The following SLC9A5 variants were observed in gnomAD, a reference collection of about 807,000 sequenced individuals.
The protein encoded by SLC9A5 is solute carrier family 9 member A5, also known as sodium/hydrogen exchanger 5.
In SLC9A5, 52 loss-of-function variants were observed where a neutral mutation model predicts 91.7. That is an observed-to-expected ratio of 0.57 (90% CI 0.45 to 0.71). SLC9A5 has a LOEUF of 0.71. Among genes scored for constraint, SLC9A5 ranks in the 30% least tolerant of loss-of-function variants. The pLI, the probability that SLC9A5 is intolerant of heterozygous loss-of-function variation, is 0.00. For synonymous variants in SLC9A5, 419 were observed against 474.5 expected, an observed-to-expected ratio of 0.88 and a Z score of 1.52; for missense variants, 871 against 1,158.9, an observed-to-expected ratio of 0.75 and a Z score of 3.61.
chr16:67,265,569 C>T (rs2035671155), intron 14 of SLC9A5, among the ~76,000 whole-genome samples: 1 of 152,200 alleles, frequency 6.6e-6, no homozygotes, highest in Non-Finnish European at 1.5e-5. Flanking sequence ...CATGTGCACG[C>T]CACCACACCT....
rs764688785 is a variant in SLC9A5 at position 67,255,021 on chromosome 16, C to T, written c.491C>T (p.Ala164Val). Residue 164 changes from alanine (A) to valine (V), a missense_variant and splice_region_variant, in exon 3 of 16, where the codon GCC becomes GTC. Coordinates refer to ENST00000299798, the MANE Select transcript of SLC9A5 (RefSeq NM_004594.3). This position sits in a 1 kb window ranked among gnomAD's most constrained non-coding sequence, Gnocchi z 4.9. Reference protein sequence around the residue: ...LWGLQQAGLVAPRVQAGLLDF... With the variant: ...LWGLQQAGLVVPRVQAGLLDF... ...CTGTCCTACACATGTCCCTTAATAGCCCCTAGGGTGCAGGCTGGCTTACTG... is the reference window on the plus strand; with the variant it reads ...CTGTCCTACACATGTCCCTTAATAGTCCCTAGGGTGCAGGCTGGCTTACTG... 3 of 1,613,280 alleles carry T rather than the reference C, an allele frequency of 1.9e-6. No individual in the cohort carries two copies. Among genetic ancestry groups the T allele is most frequent in the East Asian group, 4.5e-5 (2 of 44,868 alleles).
In SLC9A5 at chr16:67,266,219, G is replaced by T. The variant is rs75080122; in HGVS notation, c.2212G>T (p.Val738Phe). The stretch of plus-strand genomic sequence containing the variant: ...CAGTGAGGTTCTCCAAGAGGGCAAG[G>T]TCTCAGGTAATGGCTTCCTCCCTGC... ...ATSEVLQEGK[V>F]SGSLEVCPSP... The change falls in exon 15 of 16, where the codon GTC (valine) becomes TTC (phenylalanine). Residue 738 changes from valine (V) to phenylalanine (F), a missense_variant. Val to Phe is a conservative substitution (Grantham distance 50). Transcript: ENST00000299798. 9.9e-4 allele frequency: 1,578 copies of T among 1,599,662 alleles called. 21 individuals carry two copies. In the African/African-American group the frequency reaches 0.019, roughly 19 times the overall value.
Position 67,257,232 on chromosome 16 carries a change from A to T in SLC9A5, c.1336-113A>T. 7.3e-7 allele frequency: 1 copy of T among 1,372,460 alleles called. No homozygotes were observed. The highest frequency in any genetic ancestry group is 1.0e-6 in the Non-Finnish European group (1 of 976,402). 85.0% of individuals were successfully genotyped at this position (1,372,460 alleles called of 1,614,324 possible). A position where few individuals can be genotyped will look rare whatever the true frequency, so the allele number is the denominator to read the frequency against. ...GAGATGGAGGGCCCTGACTTCCCAG[A>T]CCTTGAGTGCAGTGGGGTAGGGGTA... On this transcript the variant is annotated intron_variant, in intron 7 of 15. Coordinates refer to ENST00000299798, the MANE Select transcript of SLC9A5 (RefSeq NM_004594.3). The surrounding 1 kb of genome is among the most constrained non-coding windows in gnomAD (Gnocchi z 5.1).
chr16:67,262,319 C>T (rs1048519244), intron 12 of SLC9A5: 1 of 455,278 alleles, frequency 2.2e-6, no homozygotes. Context: ...TCTGAATCCA[C>T]TTAGTATGAT....
intron 15 of SLC9A5, among the ~76,000 whole-genome samples, chr16:67,266,698 G>A (rs929915363): frequency 1.3e-5 from 2 of 151,598 alleles, no homozygotes; most frequent in Non-Finnish European, 1.5e-5. Context: ...GCACCCCCAC[G>A]CCTGGCTAAT....
intron 15 of SLC9A5, among the ~76,000 whole-genome samples, chr16:67,269,387 G>A (rs190637806): frequency 4.0e-4 from 61 of 152,198 alleles, no homozygotes; most frequent in African/African-American, 1.3e-3. Context: ...AGCTGAGATC[G>A]TGCCTCTACA....
At position 67,255,635 on chromosome 16, in the gene SLC9A5, G is replaced by T; in HGVS notation, c.734-118G>T. 7.4e-7 allele frequency: 1 copy of T among 1,350,124 alleles called. No individual in the cohort carries two copies. The highest frequency in any genetic ancestry group is 1.2e-5 in the South Asian group (1 of 80,398). The allele number at this position is 1,350,124 out of a possible 1,614,324, so 83.6% of individuals were successfully genotyped here. A position where few individuals can be genotyped will look rare whatever the true frequency, so the allele number is the denominator to read the frequency against. On this transcript the variant is annotated intron_variant, in intron 4 of 15. Transcript: ENST00000299798. The surrounding 1 kb of genome is among the most constrained non-coding windows in gnomAD (Gnocchi z 4.9). ...GCTTGCCAGGGATCCTGGCTCTGGG[G>T]TTTTGAGCCCCTGGGAGTGCGGTGG...
chr16:67,270,460 C>A lies in SLC9A5; in HGVS notation c.2219-278C>A, dbSNP rs1239199879. On this transcript the variant is annotated intron_variant, in intron 15 of 15. Coordinates refer to ENST00000299798, the MANE Select transcript of SLC9A5 (RefSeq NM_004594.3). The surrounding 1 kb of genome is among the most constrained non-coding windows in gnomAD (Gnocchi z 4.3). ...TTGGCCTCCCAAAGTGCTGGGATTA[C>A]GGCATGAGCCATAAGCCAACTTTCC... Among the ~76,000 whole-genome samples, 1 of 152,146 alleles carries A rather than the reference C, an allele frequency of 6.6e-6. No homozygotes were observed. The highest frequency in any genetic ancestry group is 1.5e-5 in the Non-Finnish European group (1 of 68,034).
Position 67,265,106 on chromosome 16 carries a change from G to A in SLC9A5, c.2080G>A (p.Ala694Thr). The A allele has an allele frequency of 6.2e-7, 1 of 1,614,010 alleles. No homozygotes were observed. Among genetic ancestry groups the A allele is most frequent in the East Asian group, 2.2e-5 (1 of 44,868 alleles). The stretch of plus-strand genomic sequence containing the variant: ...TCGAGGCCTGGGCTTTCAGGACACA[G>A]GCAAGCAGGGAGCAGTGTGGGATTG... ...KHRGLGFQDTAAVILTVESEE... is the reference protein window; with the variant it reads ...KHRGLGFQDTTAVILTVESEE... Residue 694 changes from alanine (A) to threonine (T), a missense_variant and splice_region_variant, in exon 14 of 16, where the codon GCT (alanine) becomes ACT (threonine). By Grantham distance (58) the Ala-to-Thr change is moderately conservative. Around this residue, in one of 3 missense-constraint regions of SLC9A5, gnomAD observed 295 missense variants for 326.0 expected, o/e 0.90. Coordinates refer to ENST00000299798, the MANE Select transcript of SLC9A5 (RefSeq NM_004594.3).
chr16:67,259,108 A>C (rs2035425420), intron 10 of SLC9A5, among the ~76,000 whole-genome samples: 1 of 151,828 alleles, frequency 6.6e-6, no homozygotes, highest in Non-Finnish European at 1.5e-5. Flanking sequence ...AAAATACAAA[A>C]ACTAGCCAGG....
Position 67,271,096 on chromosome 16 carries a change from C to T in SLC9A5, c.2577C>T (p.Leu859=), listed in dbSNP as rs745441473. The change falls in exon 16 of 16, where the codon CTC becomes CTT. Residue 859 remains leucine (L), a synonymous_variant. Transcript: ENST00000299798. ...CTCGCAGTGAGAGCAGCGCTGACCT[C>T]CCCCAGCAGCAGGAGCTGCAGCCCC... ...GRSRSESSAD[L]PQQQELQPLM... is the part of the protein sequence containing the mutation. The T allele has an allele frequency of 6.2e-7, 1 of 1,613,856 alleles. No individual in the cohort carries two copies. Among genetic ancestry groups the T allele is most frequent in the Non-Finnish European group, 8.5e-7 (1 of 1,179,930 alleles).
At chr16:67,263,015 T>A (rs1000986592) in intron 12 of SLC9A5, 1 of 152,518 alleles carries the variant, frequency 6.6e-6, no homozygotes, top group Non-Finnish European at 1.5e-5. Context: ...GACAATGGTG[T>A]TCAAGGGAAG....
chr16:67,270,773 C>T lies in SLC9A5; in HGVS notation c.2254C>T (p.Pro752Ser). 6.2e-7 allele frequency: 1 copy of T among 1,612,052 alleles called. No homozygotes were observed. The highest frequency in any genetic ancestry group is 1.1e-5 in the South Asian group (1 of 90,822). Residue 752 changes from proline to serine, a missense_variant, in exon 16 of 16, where the codon CCC becomes TCC. Coordinates refer to ENST00000299798, the MANE Select transcript of SLC9A5 (RefSeq NM_004594.3). This position sits in a 1 kb window ranked among gnomAD's most constrained non-coding sequence, Gnocchi z 4.3. ...GGTGTGCCCAAGCCCACGAATCATT[C>T]CCCCCTCCCCAACCTGTGCAGAAAA... ...LEVCPSPRIIPPSPTCAEKEL... is the reference protein window; with the variant it reads ...LEVCPSPRIISPSPTCAEKEL...
chr16:67,269,536 C>T (rs2035851112), intron 15 of SLC9A5, among the ~76,000 whole-genome samples: 1 of 152,142 alleles, frequency 6.6e-6, no homozygotes, highest in Non-Finnish European at 1.5e-5. Flanking sequence ...AGTTTTCAGA[C>T]CAAAGAATTC....
intron 15 of SLC9A5, among the ~76,000 whole-genome samples, chr16:67,268,462 T>C (rs2035790276): frequency 1.3e-5 from 2 of 149,498 alleles, no homozygotes. Context: ...GGATTCCTGA[T>C]GCATGCCTCT....
rs1048271162 is a variant in SLC9A5 at position 67,256,805 on chromosome 16, A to G, written c.1133-106A>G. On this transcript the variant is annotated intron_variant, in intron 6 of 15. Transcript: ENST00000299798. The surrounding 1 kb of genome is among the most constrained non-coding windows in gnomAD (Gnocchi z 4.1). ...ATTCCTAAGCCTCCTCTTGTTGCTC[A>G]CCTGTCCCAGCCCCTGTTAGACCTC... is the stretch of plus-strand genomic sequence containing the variant. 405 of 1,365,074 alleles carry G rather than the reference A, an allele frequency of 3.0e-4. No individual in the cohort carries two copies. The highest frequency in any genetic ancestry group is 2.5e-4 in the Middle Eastern group (1 of 4,066). 84.6% of individuals were successfully genotyped at this position (1,365,074 alleles called of 1,614,324 possible).
In SLC9A5 at chr16:67,270,849, C is replaced by T. The variant is rs190492342; in HGVS notation, c.2330C>T (p.Ser777Leu). ...GGGGACCTGGCAGTGTACGTGTCCTCGGAAACCACCAAGATTGTGCCTGTG... is the reference window on the plus strand; with the variant it reads ...GGGGACCTGGCAGTGTACGTGTCCTTGGAAACCACCAAGATTGTGCCTGTG... ...GQGDLAVYVS[S>L]ETTKIVPVDM... The change falls in exon 16 of 16, where the codon TCG (serine) becomes TTG (leucine). Residue 777 changes from serine (S) to leucine (L), a missense_variant. This residue lies in a region of SLC9A5 where 295 missense variants were observed against 326.0 expected (regional missense o/e 0.90). Coordinates refer to ENST00000299798, the MANE Select transcript of SLC9A5 (RefSeq NM_004594.3). This position sits in a 1 kb window ranked among gnomAD's most constrained non-coding sequence, Gnocchi z 4.3. 6.2e-6 allele frequency: 10 copies of T among 1,614,086 alleles called. No individual in the cohort carries two copies. Among genetic ancestry groups the T allele is most frequent in the African/African-American group, 2.7e-5 (2 of 75,016 alleles).
In SLC9A5 at chr16:67,255,275, G is replaced by A. The variant is rs2035270639; in HGVS notation, c.654+91G>A. 2.0e-6 allele frequency: 3 copies of A among 1,536,684 alleles called. No homozygotes were observed. Among genetic ancestry groups the A allele is most frequent in the Non-Finnish European group, 1.8e-6 (2 of 1,124,094 alleles). On this transcript the variant is annotated intron_variant, in intron 3 of 15. Transcript: ENST00000299798. This position sits in a 1 kb window ranked among gnomAD's most constrained non-coding sequence, Gnocchi z 4.9. The stretch of plus-strand genomic sequence containing the variant: ...TGCGCAGACTCAGTCCCTTCCCTTG[G>A]GTCCCCTGGGGCAGAAATATGCTGT...
intron 15 of SLC9A5, 80 bp downstream of exon 15, chr16:67,266,305 C>A: frequency 7.3e-7 from 1 of 1,374,864 alleles, no homozygotes; most frequent in Middle Eastern, 2.1e-4. Context: ...CTACTCCAGA[C>A]AACTCCCTTT....
Sources: allele counts gnomAD v4.1 joint callset (sites outside exome capture counted in the v4.1 genomes callset), GRCh38; gene constraint gnomAD v4.1.1; regional missense constraint gnomAD v4.1.1; non-coding constraint Gnocchi (gnomAD v3.1); transcripts MANE v1.5; gene names NCBI Gene and HGNC (gene_info 2026-07-23, HGNC 2026-07-21).